The following PTPRD variants were observed in gnomAD, a reference collection of about 807,000 sequenced individuals.
PTPRD encodes receptor-type tyrosine-protein phosphatase delta.
In PTPRD, 34 loss-of-function variants were observed where a neutral mutation model predicts 214.5. That is an observed-to-expected ratio of 0.16 (90% CI 0.12 to 0.21). The LOEUF (loss-of-function observed/expected upper bound fraction) is 0.21, where lower values mean the gene tolerates loss of function less well. PTPRD is among the 10% of genes least tolerant of loss of function. The pLI is 1.00. For missense variants in PTPRD, 2,545 were observed against 2,398.7 expected (o/e 1.06, Z -1.27); for synonymous variants, 1,128 against 845.7 (o/e 1.33, Z -5.79).
At chr9:8,556,755 G>C (rs1386163969) in intron 14 of PTPRD, among the ~76,000 whole-genome samples, 3 of 152,044 alleles carry the variant, frequency 2.0e-5, no homozygotes, top group African/African-American at 7.2e-5. Flanking sequence ...GGTAAAAAAA[G>C]TGTAAGAATC....
chr9:10,008,588 G>C (rs1008943589), intron 4 of PTPRD, among the ~76,000 whole-genome samples: 3 of 108,532 alleles, frequency 2.8e-5, no homozygotes, highest in Non-Finnish European at 7.5e-5. Flanking sequence ...TATCCTGTGA[G>C]CATATATATA....
intron 3 of PTPRD, among the ~76,000 whole-genome samples, chr9:10,115,165 T>C (rs868267602): frequency 4.6e-5 from 7 of 152,132 alleles, no homozygotes; most frequent in Middle Eastern, 6.8e-3. Context: ...ACACACTATA[T>C]TCCTTTGGGT....
chr9:8,920,491 T>C (rs376332648), intron 11 of PTPRD, among the ~76,000 whole-genome samples: 1 of 152,092 alleles, frequency 6.6e-6, no homozygotes, highest in Non-Finnish European at 1.5e-5. Flanking sequence ...AAGCCAGGGG[T>C]ATCCAATCTT....
chr9:10,014,267 T>G (rs1485877768), intron 4 of PTPRD, among the ~76,000 whole-genome samples: 1 of 152,002 alleles, frequency 6.6e-6, no homozygotes, highest in Non-Finnish European at 1.5e-5. Flanking sequence ...TAAGACTCAG[T>G]GAGGCTAAGT....
intron 2 of PTPRD, among the ~76,000 whole-genome samples, chr9:10,474,782 G>T (rs879878316): frequency 6.6e-6 from 1 of 152,112 alleles, no homozygotes; most frequent in Admixed American, 6.6e-5. Flanking sequence ...ATAACAAACA[G>T]TCACTCAGAC....
In PTPRD at chr9:9,530,673, C is replaced by T. The variant is rs1192919086; in HGVS notation, c.-237+44059G>A. Among the ~76,000 whole-genome samples the T allele has an allele frequency of 2.6e-5, 4 of 152,160 alleles. No homozygotes were observed. The East Asian group carries it at 5.8e-4, about 22-fold the overall frequency. The stretch of plus-strand genomic sequence containing the variant: ...TAAAGAAAATGTTGTGTGTCACACA[C>T]AATGACACACAATGAAATACTATTA... On this transcript the variant is annotated intron_variant, in intron 8 of 45. Transcript: ENST00000381196.
chr9:9,015,359 T>C (rs1310310225), intron 11 of PTPRD, among the ~76,000 whole-genome samples: 1 of 152,108 alleles, frequency 6.6e-6, no homozygotes, highest in Non-Finnish European at 1.5e-5. Context: ...AAAACCAAGA[T>C]GGCCACAAGA....
chr9:10,207,602 A>T (rs1312056508), intron 3 of PTPRD, among the ~76,000 whole-genome samples: 1 of 152,010 alleles, frequency 6.6e-6, no homozygotes, highest in Admixed American at 6.5e-5. Context: ...CCCCATTAAA[A>T]CACTACTTGA....
intron 3 of PTPRD, among the ~76,000 whole-genome samples, chr9:10,326,915 G>A (rs2096653036): frequency 6.6e-6 from 1 of 151,146 alleles, no homozygotes; most frequent in Non-Finnish European, 1.5e-5. Flanking sequence ...AAATTTATTT[G>A]GAATACAATA....
intron 5 of PTPRD, among the ~76,000 whole-genome samples, chr9:9,934,455 C>G (rs1016339868): frequency 2.2e-5 from 3 of 138,800 alleles, no homozygotes; most frequent in Admixed American, 7.1e-5. Context: ...CGCCTCTATG[C>G]AAATAAACTA....
At chr9:8,411,247 G>T (rs1271961056) in intron 35 of PTPRD, among the ~76,000 whole-genome samples, 2 of 151,848 alleles carry the variant, frequency 1.3e-5, no homozygotes, top group African/African-American at 4.8e-5. Flanking sequence ...TAAGATTAAA[G>T]ATTTAAATAA....
At chr9:10,447,638 T>C (rs1297766877) in intron 2 of PTPRD, among the ~76,000 whole-genome samples, 1 of 151,962 alleles carries the variant, frequency 6.6e-6, no homozygotes, top group Non-Finnish European at 1.5e-5. Context: ...ATTTCTCAAA[T>C]ACAGACAGGA....
At chr9:9,080,072 G>A (rs1282568725) in intron 10 of PTPRD, among the ~76,000 whole-genome samples, 2 of 151,906 alleles carry the variant, frequency 1.3e-5, no homozygotes, top group African/African-American at 4.8e-5. Context: ...ATCTAATTTA[G>A]TCAAATCATA....
intron 3 of PTPRD, among the ~76,000 whole-genome samples, chr9:10,079,662 T>C (rs2098200153): frequency 6.6e-6 from 1 of 152,166 alleles, no homozygotes; most frequent in South Asian, 2.1e-4. Context: ...ACTTCAGTTG[T>C]TTCATCTGTT....
intron 10 of PTPRD, among the ~76,000 whole-genome samples, chr9:9,047,893 G>A (rs771377420): frequency 5.3e-5 from 8 of 152,102 alleles, no homozygotes; most frequent in Middle Eastern, 3.4e-3. Context: ...ATCACCTCAG[G>A]TTAAAAACCA....
chr9:9,630,826 T>G (rs1437726247), intron 7 of PTPRD, among the ~76,000 whole-genome samples: 1 of 152,264 alleles, frequency 6.6e-6, no homozygotes, highest in Admixed American at 6.5e-5. Context: ...AGGAATTAGA[T>G]AGTAAGCAAT....
Position 9,666,506 on chromosome 9 carries a change from A to G in PTPRD, c.-287+68027T>C, listed in dbSNP as rs992352027. On this transcript the variant is annotated intron_variant, in intron 7 of 45. Transcript: ENST00000381196. ...TCTCCTTTGTGTTTAAAAGTTACAC[A>G]CAGCTCAATTTTACCAAAACAATGA... Among the ~76,000 whole-genome samples the G allele has an allele frequency of 2.0e-5, 3 of 152,050 alleles. No individual in the cohort carries two copies. The South Asian group carries it at 6.2e-4, about 31-fold the overall frequency.
In PTPRD at chr9:9,430,256, T is replaced by G. The variant is rs183264072; in HGVS notation, c.-236-32774A>C. On this transcript the variant is annotated intron_variant, in intron 8 of 45. Coordinates refer to ENST00000381196, the MANE Select transcript of PTPRD (RefSeq NM_002839.4). ...AATCACAAGCATTCCTATACACCAA[T>G]AACAGACAAACAGAGAGCCAAATCA... is the stretch of plus-strand genomic sequence containing the variant. Among the ~76,000 whole-genome samples the G allele has an allele frequency of 4.1e-3, 625 of 152,012 alleles. 3 individuals are homozygous for G. Among genetic ancestry groups the G allele is most frequent in the Non-Finnish European group, 5.5e-3 (376 of 67,964 alleles).
chr9:8,486,704 T>C (rs1423945997), intron 27 of PTPRD, among the ~76,000 whole-genome samples: 1 of 152,252 alleles, frequency 6.6e-6, no homozygotes, highest in Non-Finnish European at 1.5e-5. Context: ...ATATGGCTAA[T>C]AAGAATAACT....
Sources: gnomAD v4.1 joint callset for allele counts (sites outside exome capture counted in the v4.1 genomes callset) on GRCh38, gnomAD v4.1.1 for gene constraint, MANE v1.5 for transcripts, NCBI Gene and HGNC (gene_info 2026-07-23, HGNC 2026-07-21) for gene names.